ARNT2: variants seen among roughly 807,000 people sequenced by gnomAD.
The protein encoded by ARNT2 is aryl hydrocarbon receptor nuclear translocator 2.
A neutral mutation model predicts 91.7 loss-of-function variants in ARNT2; 36 were observed. The ratio of observed to expected loss-of-function variants is 0.39; its 90% confidence interval spans 0.30 to 0.52. ARNT2 has a LOEUF of 0.52. ARNT2 is among the 20% of genes least tolerant of loss of function. The pLI, the probability that ARNT2 is intolerant of heterozygous loss-of-function variation, is 0.72. For synonymous variants in ARNT2, 365 were observed against 347.1 expected, an observed-to-expected ratio of 1.05 and a Z score of -0.57; for missense variants, 775 against 939.3, an observed-to-expected ratio of 0.83 and a Z score of 2.29.
intron 3 of ARNT2, among the ~76,000 whole-genome samples, chr15:80,465,282 G>A (rs1346403900): frequency 6.6e-6 from 1 of 152,176 alleles, no homozygotes; most frequent in African/African-American, 2.4e-5. Flanking sequence ...CACAAATTCT[G>A]CCCTGAGTGA....
At chr15:80,588,283 C>T (rs533515792) in intron 17 of ARNT2, among the ~76,000 whole-genome samples, 3 of 152,160 alleles carry the variant, frequency 2.0e-5, no homozygotes, top group African/African-American at 4.8e-5. Context: ...CTCAAATCCA[C>T]CCACTGCTCT....
At chr15:80,509,316 C>G (rs1897312409) in intron 6 of ARNT2, among the ~76,000 whole-genome samples, 1 of 151,998 alleles carries the variant, frequency 6.6e-6, no homozygotes, top group Non-Finnish European at 1.5e-5. Flanking sequence ...GTGGCACACA[C>G]CTGTAATCCC....
At chr15:80,429,941 C>T (rs1053948688) in intron 1 of ARNT2, among the ~76,000 whole-genome samples, 1 of 152,162 alleles carries the variant, frequency 6.6e-6, no homozygotes, top group African/African-American at 2.4e-5. Flanking sequence ...CCTCTTTCTT[C>T]CTCCATTCTT....
chr15:80,501,860 C>T (rs896531734), intron 5 of ARNT2, among the ~76,000 whole-genome samples: 1 of 152,208 alleles, frequency 6.6e-6, no homozygotes, highest in Non-Finnish European at 1.5e-5. Context: ...TCTCACAACC[C>T]GCATATGGAG....
At chr15:80,560,202 C>T (rs1383100794) in intron 11 of ARNT2, 2 of 152,258 alleles carry the variant, frequency 1.3e-5, no homozygotes, top group Admixed American at 6.5e-5. Flanking sequence ...CTCTGGGTTA[C>T]AGTTATCTAC....
chr15:80,549,758 T>C (rs1898050892), intron 8 of ARNT2, among the ~76,000 whole-genome samples: 1 of 152,204 alleles, frequency 6.6e-6, no homozygotes, highest in Non-Finnish European at 1.5e-5. Context: ...CTGGTGGGAA[T>C]GCAAATTGGT....
intron 11 of ARNT2, 123 bp downstream of exon 11, chr15:80,555,262 C>G (rs979461917): frequency 2.1e-6 from 2 of 940,494 alleles, no homozygotes; most frequent in Non-Finnish European, 3.3e-6. Flanking sequence ...TGGCCTCACT[C>G]AGGGCCCCTG....
chr15:80,502,136 A>T (rs1012304341), intron 5 of ARNT2, among the ~76,000 whole-genome samples: 2 of 152,184 alleles, frequency 1.3e-5, no homozygotes, highest in African/African-American at 4.8e-5. Context: ...GGACATCAAG[A>T]ATTCTGACAT....
At chr15:80,491,245 C>A (rs1157477726) in intron 5 of ARNT2, among the ~76,000 whole-genome samples, 1 of 152,150 alleles carries the variant, frequency 6.6e-6, no homozygotes, top group Admixed American at 6.5e-5. Flanking sequence ...GTTTCATGGC[C>A]TTACAGTTCC....
At position 80,431,074 on chromosome 15, in the gene ARNT2, T is replaced by C. The variant is rs530933479; in HGVS notation, c.32-19806T>C. ...ATGTCACGATCCCCCCACAAAGCAA[T>C]GGACACCGCTCAGGTACTTACATGT... On this transcript the variant is annotated intron_variant, in intron 1 of 18. Transcript: ENST00000303329. 9.0e-4 allele frequency among the ~76,000 whole-genome samples: 137 copies of C among 152,092 alleles called. 1 individual carries two copies. The highest frequency in any genetic ancestry group is 1.5e-3 in the Non-Finnish European group (101 of 68,014).
chr15:80,541,753 C>T (rs1897909717), intron 8 of ARNT2, among the ~76,000 whole-genome samples: 1 of 152,230 alleles, frequency 6.6e-6, no homozygotes, highest in Admixed American at 6.5e-5. Context: ...GATAGAAAGA[C>T]ATCCGATATC....
rs745846916 is a variant in ARNT2, at chr15:80,597,274, G to T, written c.*3576G>T. On this transcript the variant is annotated 3_prime_UTR_variant, in exon 19 of 19. Coordinates refer to ENST00000303329, the MANE Select transcript of ARNT2 (RefSeq NM_014862.4). ...ATGCGAGAATGTGAACGCTCACCTTGCTCCGTCACGGTTCTGACCTACCAC... is the reference window on the plus strand; with the variant it reads ...ATGCGAGAATGTGAACGCTCACCTTTCTCCGTCACGGTTCTGACCTACCAC... The T allele has an allele frequency of 1.9e-6, 1 of 518,490 alleles. No individual in the cohort carries two copies. Among genetic ancestry groups the T allele is most frequent in the South Asian group, 1.4e-5 (1 of 71,464 alleles). The allele number at this position is 518,490 out of a possible 1,614,324, so 32.1% of individuals were successfully genotyped here. A position where few individuals can be genotyped will look rare whatever the true frequency, so the allele number is the denominator to read the frequency against.
chr15:80,475,244 G>A (rs1896784049), intron 5 of ARNT2, 21 bp downstream of exon 5: 3 of 1,612,438 alleles, frequency 1.9e-6, no homozygotes, highest in East Asian at 2.2e-5. Flanking sequence ...CTCCCTTTAT[G>A]AGGCTGTTTG....
Position 80,580,417 on chromosome 15 carries a change from A to G in ARNT2, c.1620A>G (p.Ser540=). Residue 540 remains serine, a synonymous_variant, in exon 16 of 19, where the codon TCA becomes TCG. Transcript: ENST00000303329. ...SGHSGKAFSS[S]VVHVPGVNDI... ...GCATTTTCCTCTTTTCTAGCTCTTC[A>G]GTGGTTCATGTGCCTGGAGTGAATG... 1 of 1,614,132 alleles carries G rather than the reference A, an allele frequency of 6.2e-7. No individual in the cohort carries two copies. Among genetic ancestry groups the G allele is most frequent in the South Asian group, 1.1e-5 (1 of 91,078 alleles).
intron 8 of ARNT2, among the ~76,000 whole-genome samples, chr15:80,521,671 A>G (rs1163366974): frequency 6.6e-6 from 1 of 152,206 alleles, no homozygotes; most frequent in African/African-American, 2.4e-5. Flanking sequence ...AAAATAATAC[A>G]TTTGAAGAAA....
chr15:80,412,743 A>C (rs1895703527), intron 1 of ARNT2, among the ~76,000 whole-genome samples: 1 of 152,370 alleles, frequency 6.6e-6, no homozygotes, highest in South Asian at 2.1e-4. Context: ...ATCCCCGTAT[A>C]TGAATGAATA....
At chr15:80,528,454 T>C (rs1897678709) in intron 8 of ARNT2, among the ~76,000 whole-genome samples, 1 of 152,138 alleles carries the variant, frequency 6.6e-6, no homozygotes, top group African/African-American at 2.4e-5. Context: ...CTATCTGTCA[T>C]CTACTGACAT....
intron 3 of ARNT2, among the ~76,000 whole-genome samples, chr15:80,462,013 C>T (rs1051932285): frequency 1.3e-5 from 2 of 152,114 alleles, no homozygotes; most frequent in African/African-American, 4.8e-5. Context: ...GGTGCCGCAC[C>T]CTCCTATAGT....
In ARNT2 at chr15:80,472,921, G is replaced by A. The variant is rs1158947089; in HGVS notation, c.409-2089G>A. ...AGAGTCAAGGTTTGAAATGAATCTC[G>A]TTATCTTTAAGTGACTGAGGATTAT... On this transcript the variant is annotated intron_variant, in intron 4 of 18. Transcript: ENST00000303329. 7.2e-5 allele frequency among the ~76,000 whole-genome samples: 11 copies of A among 152,218 alleles called. 1 individual carries two copies. The Middle Eastern group carries it at 0.01, about 141-fold the overall frequency.
Sources: gnomAD v4.1 joint callset for allele counts (sites outside exome capture counted in the v4.1 genomes callset) on GRCh38, gnomAD v4.1.1 for gene constraint, MANE v1.5 for transcripts, NCBI Gene and HGNC (gene_info 2026-07-23, HGNC 2026-07-21) for gene names.